Variants in CLTRN observed in about 807,000 individuals in gnomAD.
The protein encoded by CLTRN is collectrin.
A neutral mutation model predicts 14.5 loss-of-function variants in CLTRN; 12 were observed. That is an observed-to-expected ratio of 0.83 (90% CI 0.53 to 1.34). The LOEUF is 1.34. CLTRN is among the 40% of genes most tolerant of loss of function. The probability of loss-of-function intolerance (pLI) is 0.00; values close to 1 mark genes in which losing one functional copy is unlikely to be tolerated. For synonymous variants in CLTRN, 58 were observed against 56.5 expected, an observed-to-expected ratio of 1.03 and a Z score of -0.12; for missense variants, 154 against 165.1, an observed-to-expected ratio of 0.93 and a Z score of 0.37.
chrX:15,660,036 C>G (rs1015020907), intron 2 of CLTRN, among the ~76,000 whole-genome samples: 11 of 111,180 alleles, frequency 9.9e-5, no homozygotes, highest in Non-Finnish European at 2.1e-4. Context: ...TAAAGAGAAG[C>G]AGGAAGGGAG....
In CLTRN at chrX:15,651,923, A is replaced by G. The variant is rs192978240; in HGVS notation, c.204-6894T>C. Among the ~76,000 whole-genome samples, 162 of 111,969 alleles carry G rather than the reference A, an allele frequency of 1.4e-3. 1 individual carries two copies. Among genetic ancestry groups the G allele is most frequent in the African/African-American group, 5.1e-3 (157 of 30,783 alleles). Reference sequence around the variant, plus strand: ...CGAAACTTTATCTACTCACCTACAAATACTCAGACAACAAAACAAAACACA... The same window carrying G: ...CGAAACTTTATCTACTCACCTACAAGTACTCAGACAACAAAACAAAACACA... On this transcript the variant is annotated intron_variant, in intron 3 of 5. Coordinates refer to ENST00000380342, the MANE Select transcript of CLTRN (RefSeq NM_020665.6).
intron 3 of CLTRN, among the ~76,000 whole-genome samples, chrX:15,649,569 T>C (rs922944229): frequency 4.5e-5 from 5 of 111,760 alleles, no homozygotes; most frequent in Non-Finnish European, 9.4e-5. Context: ...TAGGAAGGGC[T>C]TGAGCTCTTA....
chrX:15,658,388 G>A (rs1442050467), intron 3 of CLTRN, among the ~76,000 whole-genome samples: 1 of 112,206 alleles, frequency 8.9e-6, no homozygotes, highest in Middle Eastern at 4.2e-3. Context: ...ACCTCACAAG[G>A]AGAAAGGAAC....
At position 15,644,930 on chromosome X, in the gene CLTRN, C is replaced by G. The variant is rs778586504; in HGVS notation, c.303G>C (p.Val101=). ...SKNHTLPAVE[V]QSAIRMNKNR... ...AGGGTGATTACCTTATGGCTGATTG[C>G]ACCTCAACAGCAGGAAGGGTGTGAT... Residue 101 remains valine, a synonymous_variant, in exon 4 of 6, where the codon GTG becomes GTC. Transcript: ENST00000380342. 31 of 1,195,447 alleles carry G rather than the reference C, an allele frequency of 2.6e-5. No individual in the cohort carries two copies. The highest frequency in any genetic ancestry group is 3.3e-5 in the Non-Finnish European group (29 of 885,806).
chrX:15,645,943 T>C (rs1369929690), intron 3 of CLTRN, among the ~76,000 whole-genome samples: 1 of 113,240 alleles, frequency 8.8e-6, no homozygotes, highest in Non-Finnish European at 1.9e-5. Flanking sequence ...CCAAGTGTAT[T>C]GTGATCATTT....
At chrX:15,654,525 T>C (rs1929302466) in intron 3 of CLTRN, among the ~76,000 whole-genome samples, 1 of 112,378 alleles carries the variant, frequency 8.9e-6, no homozygotes, top group African/African-American at 3.2e-5. Context: ...AAACACTTGG[T>C]TGCCATCTTC....
upstream of CLTRN, among the ~76,000 whole-genome samples, chrX:15,667,795 T>G (rs1190138954): frequency 4.5e-5 from 5 of 111,709 alleles, no homozygotes; most frequent in African/African-American, 1.3e-4. Context: ...CTTAGCTCAG[T>G]GCAGCCTCAA....
At chrX:15,668,292 T>G (rs1417584103), upstream of CLTRN, among the ~76,000 whole-genome samples, 1 of 112,066 alleles carries the variant, frequency 8.9e-6, no homozygotes, top group Non-Finnish European at 1.9e-5. Context: ...CACCCTTGTC[T>G]TCTTCTTTAC....
intron 1 of CLTRN, among the ~76,000 whole-genome samples, chrX:15,674,277 C>T (rs1047557076): frequency 1.8e-4 from 20 of 111,841 alleles, no homozygotes; most frequent in Non-Finnish European, 1.3e-4. Flanking sequence ...AATCTTGGAG[C>T]AGGGGGCTGC....
upstream of CLTRN, among the ~76,000 whole-genome samples, chrX:15,668,102 A>G (rs1929655620): frequency 9.0e-6 from 1 of 111,244 alleles, no homozygotes; most frequent in Admixed American, 9.5e-5. Context: ...ATAGAGAAGC[A>G]AAAAAAAGTA....
chrX:15,670,877 CAAGT>C (rs1398481009), intron 1 of CLTRN, among the ~76,000 whole-genome samples: 2 of 76,697 alleles, frequency 2.6e-5, no homozygotes, highest in Non-Finnish European at 4.9e-5. Context: ...AAAAGGGAGA[CAAGT>C]GTGTGTGTGT....
intron 3 of CLTRN, chrX:15,646,056 A>G (rs965180720): frequency 1.7e-5 from 2 of 118,178 alleles, no homozygotes; most frequent in Non-Finnish European, 3.5e-5. Flanking sequence ...CAGGTACAAA[A>G]GTAGAGGCAG....
intron 1 of CLTRN, among the ~76,000 whole-genome samples, chrX:15,671,634 T>C (rs1337415919): frequency 8.9e-6 from 1 of 111,769 alleles, no homozygotes; most frequent in Non-Finnish European, 1.9e-5. Flanking sequence ...GGGAAGGACA[T>C]TCCCTGACAG....
chrX:15,669,022 AAAG>A (rs1292025404), upstream of CLTRN, among the ~76,000 whole-genome samples: 2 of 111,837 alleles, frequency 1.8e-5, no homozygotes, highest in African/African-American at 6.5e-5. Flanking sequence ...TTGTTTAATC[AAAG>A]AAGAAGATCT....
chrX:15,628,450 ACACT>A (rs1337789929), intron 5 of CLTRN, among the ~76,000 whole-genome samples: 2 of 112,179 alleles, frequency 1.8e-5, no homozygotes, highest in African/African-American at 6.5e-5. Flanking sequence ...ATACACATAG[ACACT>A]CACACACACA....
At chrX:15,639,874 G>T in intron 4 of CLTRN, 118 bp from the exon 5 acceptor site, 1 of 718,626 alleles carries the variant, frequency 1.4e-6, no homozygotes, top group African/African-American at 2.2e-5. Context: ...GCATCCTCCT[G>T]GCAGGAGACT....
At chrX:15,666,375 A>G (rs1929622290), upstream of CLTRN, among the ~76,000 whole-genome samples, 1 of 111,852 alleles carries the variant, frequency 8.9e-6, no homozygotes, top group Admixed American at 9.5e-5. Flanking sequence ...TGATGTCAGG[A>G]CTTTCCTCTC....
At chrX:15,644,308 G>GA (rs1404177915) in intron 4 of CLTRN, among the ~76,000 whole-genome samples, 1 of 111,490 alleles carries the variant, frequency 9.0e-6, no homozygotes, top group East Asian at 2.8e-4. Context: ...CTTGTCCATA[G>GA]AAAATCAAAT....
chrX:15,641,409 C>T (rs1192964498), intron 4 of CLTRN, among the ~76,000 whole-genome samples: 2 of 112,127 alleles, frequency 1.8e-5, no homozygotes, highest in Non-Finnish European at 3.8e-5. Context: ...CTAAAATAAA[C>T]AGATGAAACT....
Sources: gnomAD v4.1 joint callset for allele counts (sites outside exome capture counted in the v4.1 genomes callset) on GRCh38, gnomAD v4.1.1 for gene constraint, MANE v1.5 for transcripts, NCBI Gene and HGNC (gene_info 2026-07-23, HGNC 2026-07-21) for gene names.